The following SPAG9 variants were observed in gnomAD, a reference collection of about 807,000 sequenced individuals.
The protein encoded by SPAG9 is sperm associated antigen 9.
Under a neutral mutation model 166.5 loss-of-function variants are expected in SPAG9, and 35 were observed. The observed-to-expected ratio is 0.21, with a 90% CI of 0.16 to 0.28. The LOEUF (loss-of-function observed/expected upper bound fraction) is 0.28. Among genes scored for constraint, SPAG9 ranks in the 10% least tolerant of loss-of-function variants. The probability of loss-of-function intolerance (pLI) is 1.00; values close to 1 mark genes in which losing one functional copy is unlikely to be tolerated. For synonymous variants in SPAG9, 534 were observed against 565.5 expected (o/e 0.94, Z 0.79); for missense variants, 1,235 against 1,603.3 (o/e 0.77, Z 3.92).
intron 2 of SPAG9, among the ~76,000 whole-genome samples, chr17:51,060,227 G>A (rs533047808): frequency 6.2e-4 from 94 of 152,104 alleles, no homozygotes; most frequent in African/African-American, 2.1e-3. Flanking sequence ...ATTAAGGGCC[G>A]GGCGAGGTGG....
At chr17:51,028,066 C>CA (rs375023734) in intron 6 of SPAG9, among the ~76,000 whole-genome samples, 6,779 of 88,330 alleles carry the variant, frequency 0.077, 401 homozygotes, top group African/African-American at 0.22. Flanking sequence ...GTTTAAAAAG[C>CA]AAAAAAAAAA....
intron 6 of SPAG9, among the ~76,000 whole-genome samples, chr17:51,022,727 T>C (rs1222279492): frequency 6.6e-6 from 1 of 151,448 alleles, no homozygotes; most frequent in Non-Finnish European, 1.5e-5. Flanking sequence ...GGCAGGCGGA[T>C]CACCTGAGGT....
chr17:51,088,240 C>T (rs952825968), intron 1 of SPAG9, among the ~76,000 whole-genome samples: 3 of 152,310 alleles, frequency 2.0e-5, no homozygotes, highest in Non-Finnish European at 2.9e-5. Flanking sequence ...AGCCACACAC[C>T]TATTCACAAT....
intron 11 of SPAG9, 36 bp downstream of exon 11, chr17:51,006,047 CAA>C: frequency 2.5e-6 from 4 of 1,607,570 alleles, no homozygotes; most frequent in South Asian, 1.1e-5. Context: ...GCATAACTGG[CAA>C]AGAGTTTGGT....
intron 24 of SPAG9, among the ~76,000 whole-genome samples, chr17:50,984,073 T>C (rs922768897): frequency 1.3e-5 from 2 of 152,142 alleles, no homozygotes; most frequent in Non-Finnish European, 2.9e-5. Context: ...GGGTAGAAAA[T>C]GATGTATCAT....
rs150968852 is a variant in SPAG9 at position 51,095,522 on chromosome 17, G to A, written c.304-15818C>T. Among the ~76,000 whole-genome samples, 480 of 150,768 alleles carry A rather than the reference G, an allele frequency of 3.2e-3. 2 individuals carry two copies. The highest frequency in any genetic ancestry group is 0.011 in the African/African-American group (437 of 41,114). ...AAAAATGAGCCAGGCATGGTGGTGC[G>A]CACCTGTAGTTCCAGCTACTCGGGA... On this transcript the variant is annotated intron_variant, in intron 1 of 29. Coordinates refer to ENST00000262013, the MANE Select transcript of SPAG9 (RefSeq NM_001130528.3).
chr17:51,052,937 T>C (rs1224632404), intron 3 of SPAG9, among the ~76,000 whole-genome samples: 2 of 151,886 alleles, frequency 1.3e-5, no homozygotes, highest in African/African-American at 4.8e-5. Context: ...TGCACTCCTG[T>C]AATCCCAGCT....
intron 2 of SPAG9, among the ~76,000 whole-genome samples, chr17:51,075,090 G>A (rs2047929070): frequency 6.6e-6 from 1 of 151,146 alleles, no homozygotes; most frequent in East Asian, 1.9e-4. Flanking sequence ...CAGCTACTCG[G>A]GAGGCTGAGG....
intron 1 of SPAG9, among the ~76,000 whole-genome samples, chr17:51,090,518 T>TAC (rs899821551): frequency 9.2e-5 from 14 of 152,046 alleles, no homozygotes; most frequent in Non-Finnish European, 1.8e-4. Context: ...AAAAAAAGAT[T>TAC]ACATTCATCC....
intron 2 of SPAG9, among the ~76,000 whole-genome samples, chr17:51,072,286 G>A (rs1012149289): frequency 1.5e-4 from 22 of 150,738 alleles, no homozygotes; most frequent in Non-Finnish European, 3.2e-4. Context: ...TGGCCAGGCT[G>A]GTCTTGAACT....
At chr17:51,106,165 T>C (rs2048944968) in intron 1 of SPAG9, among the ~76,000 whole-genome samples, 1 of 143,028 alleles carries the variant, frequency 7.0e-6, no homozygotes, top group East Asian at 2.1e-4. Flanking sequence ...TAGCTGGGCA[T>C]GATGGCATAC....
intron 6 of SPAG9, 38 bp downstream of exon 6, chr17:51,031,641 AGT>A: frequency 7.0e-7 from 1 of 1,436,130 alleles, no homozygotes; most frequent in Non-Finnish European, 9.6e-7. Context: ...TAATCACTTT[AGT>A]ATACTTTTTG....
rs141068756 is a variant in SPAG9, at chr17:51,017,210, G to T, written c.1092-2857C>A. On this transcript the variant is annotated intron_variant, in intron 8 of 29. Coordinates refer to ENST00000262013, the MANE Select transcript of SPAG9 (RefSeq NM_001130528.3). ...TTCTCCCAAGGTAAGTACATACCTA[G>T]AATCCTATTCTAGACGCACAGGAGC... Among the ~76,000 whole-genome samples, 198 of 152,270 alleles carry T rather than the reference G, an allele frequency of 1.3e-3. 1 individual carries two copies. The highest frequency in any genetic ancestry group is 4.5e-3 in the African/African-American group (188 of 41,556).
intron 3 of SPAG9, among the ~76,000 whole-genome samples, chr17:51,054,028 TATCTTAATATCCACCAAATGCCATTAA>T (rs984763557): frequency 1.3e-5 from 2 of 148,352 alleles, no homozygotes; most frequent in Non-Finnish European, 3.0e-5. Flanking sequence ...GCAACCTTAA[TATCTTAATATCCACCAAATGCCATTAA>T]ATCTTAATAT....
chr17:51,084,553 T>C (rs770737680), intron 1 of SPAG9, among the ~76,000 whole-genome samples: 4 of 152,100 alleles, frequency 2.6e-5, no homozygotes, highest in Non-Finnish European at 5.9e-5. Context: ...ACTACAGGCA[T>C]GGGCTACCAC....
chr17:50,993,095 CAAAA>C (rs71149332), intron 19 of SPAG9, among the ~76,000 whole-genome samples: 2 of 75,568 alleles, frequency 2.6e-5, no homozygotes, highest in Middle Eastern at 8.1e-3. Context: ...GACTCCATCT[CAAAA>C]AAAAAAAAAA....
chr17:51,000,751 GAATGAATAAATAAATAAATA>G lies in SPAG9; in HGVS notation c.1607+944_1607+963del, dbSNP rs1252327726. Among the ~76,000 whole-genome samples, 118 of 133,512 alleles carry G rather than the reference GAATGAATAAATAAATAAATA, an allele frequency of 8.8e-4. 2 individuals carry two copies. The Middle Eastern group carries it at 0.02, about 23-fold the overall frequency. 87.6% of individuals were successfully genotyped at this position (133,512 alleles called of 152,430 possible). A position where few individuals can be genotyped will look rare whatever the true frequency, so the allele number is the denominator to read the frequency against. ...ATCACAAGACTCCATCTCAATAAAT[GAATGAATAAATAAATAAATA>G]AATAAATAAATAAATAAATAAGGTC... On this transcript the variant is annotated intron_variant, in intron 13 of 29. Coordinates refer to ENST00000262013, the MANE Select transcript of SPAG9 (RefSeq NM_001130528.3).
intron 19 of SPAG9, 23 bp from the exon 20 acceptor site, chr17:50,990,691 AC>A: frequency 6.3e-7 from 1 of 1,581,238 alleles, no homozygotes; most frequent in Non-Finnish European, 8.7e-7. Flanking sequence ...TCTTCTTGTA[AC>A]AGCAAAGTAA....
At chr17:51,104,267 G>C (rs1437391219) in intron 1 of SPAG9, among the ~76,000 whole-genome samples, 1 of 152,142 alleles carries the variant, frequency 6.6e-6, no homozygotes, top group Non-Finnish European at 1.5e-5. Context: ...TTCCATGAGA[G>C]AAGGACCTTG....
Sources: allele counts gnomAD v4.1 joint callset (sites outside exome capture counted in the v4.1 genomes callset), GRCh38; gene constraint gnomAD v4.1.1; transcripts MANE v1.5; gene names NCBI Gene and HGNC (gene_info 2026-07-23, HGNC 2026-07-21).